The following MEIS1 variants were observed in gnomAD, a reference collection of about 807,000 sequenced individuals.
The protein encoded by MEIS1 is homeobox protein Meis1.
In MEIS1, 5 loss-of-function variants were observed where a neutral mutation model predicts 50.8. The observed-to-expected ratio is 0.10, with a 90% CI of 0.05 to 0.21. MEIS1 has a LOEUF of 0.21. MEIS1 is among the 10% of genes least tolerant of loss of function. The probability of loss-of-function intolerance (pLI) is 1.00; values close to 1 mark genes in which losing one functional copy is unlikely to be tolerated. For missense variants in MEIS1, 318 were observed against 517.3 expected, an observed-to-expected ratio of 0.61 and a Z score of 3.74; for synonymous variants, 176 against 179.3, an observed-to-expected ratio of 0.98 and a Z score of 0.15.
intron 8 of MEIS1, among the ~76,000 whole-genome samples, chr2:66,546,429 C>T (rs1157744246): frequency 1.3e-5 from 2 of 152,140 alleles, no homozygotes; most frequent in African/African-American, 2.4e-5. Flanking sequence ...AAGGTTATTT[C>T]ACAGGGGACA....
chr2:66,471,571 T>G (rs778934988), intron 7 of MEIS1, among the ~76,000 whole-genome samples: 5 of 152,248 alleles, frequency 3.3e-5, no homozygotes, highest in Non-Finnish European at 7.3e-5. Context: ...TTTATTTTCC[T>G]AGAATTGACT....
At position 66,571,435 on chromosome 2, in the gene MEIS1, A is replaced by C; in HGVS notation, c.*227A>C. On this transcript the variant is annotated 3_prime_UTR_variant, in exon 13 of 13. Transcript: ENST00000272369. ...GTGATGATGCATGGAGGACCGCCCCACCCTGGAATGCCAATGTCAGCATCA... is the reference window on the plus strand; with the variant it reads ...GTGATGATGCATGGAGGACCGCCCCCCCCTGGAATGCCAATGTCAGCATCA... 6.2e-7 allele frequency: 1 copy of C among 1,605,040 alleles called. No homozygotes were observed. Among genetic ancestry groups the C allele is most frequent in the Non-Finnish European group, 8.5e-7 (1 of 1,176,058 alleles).
intron 9 of MEIS1, chr2:66,561,995 A>G (rs1356756225): frequency 2.7e-5 from 4 of 146,112 alleles, no homozygotes; most frequent in Non-Finnish European, 6.0e-5. Context: ...AATAGAACTA[A>G]TTGAGTAAAG....
intron 6 of MEIS1, among the ~76,000 whole-genome samples, chr2:66,447,548 C>T (rs1401753204): frequency 6.6e-6 from 1 of 152,144 alleles, no homozygotes; most frequent in Non-Finnish European, 1.5e-5. Flanking sequence ...TCATTCTAGG[C>T]CCTTTATTAC....
intron 7 of MEIS1, among the ~76,000 whole-genome samples, chr2:66,474,201 C>T (rs1402160416): frequency 6.6e-6 from 1 of 152,092 alleles, no homozygotes; most frequent in African/African-American, 2.4e-5. Context: ...ATCACTTGTT[C>T]TCCGTACTCC....
chr2:66,486,818 C>G (rs1231133123), intron 7 of MEIS1, among the ~76,000 whole-genome samples: 1 of 152,118 alleles, frequency 6.6e-6, no homozygotes, highest in Non-Finnish European at 1.5e-5. Flanking sequence ...CCTTCACATC[C>G]CTTGTAAGTT....
intron 7 of MEIS1, among the ~76,000 whole-genome samples, chr2:66,503,761 T>C (rs933733985): frequency 6.1e-5 from 6 of 99,038 alleles, no homozygotes; most frequent in East Asian, 4.0e-4. Flanking sequence ...TTTTTTTTTT[T>C]TGAGACGGGG....
chr2:66,504,917 A>G (rs1673651581), intron 7 of MEIS1, among the ~76,000 whole-genome samples: 1 of 152,138 alleles, frequency 6.6e-6, no homozygotes, highest in Admixed American at 6.6e-5. Flanking sequence ...TTTTCCTTTG[A>G]TTAACTGGGA....
intron 7 of MEIS1, among the ~76,000 whole-genome samples, chr2:66,495,327 G>A (rs1273443336): frequency 2.0e-5 from 3 of 151,912 alleles, no homozygotes; most frequent in Admixed American, 6.6e-5. Context: ...GAGAGAAGAC[G>A]GACATCCAGC....
At chr2:66,544,413 A>G (rs774522060) in intron 8 of MEIS1, among the ~76,000 whole-genome samples, 29 of 152,214 alleles carry the variant, frequency 1.9e-4, no homozygotes, top group Non-Finnish European at 3.5e-4. Context: ...AGGATTAACT[A>G]CATGAAGTCA....
chr2:66,464,598 A>G (rs1359659656), intron 7 of MEIS1, among the ~76,000 whole-genome samples: 1 of 152,214 alleles, frequency 6.6e-6, no homozygotes, highest in Non-Finnish European at 1.5e-5. Context: ...TAGGATTCCA[A>G]GTTAATGATG....
chr2:66,437,778 C>G lies in MEIS1; in HGVS notation c.54C>G (p.Gly18=), dbSNP rs1394032833. Residue 18 remains glycine (G), a synonymous_variant, in exon 2 of 13, where the codon GGC becomes GGG. Transcript: ENST00000272369. The part of the protein sequence containing the change: ...LPHYGGMDGV[G]IPSTMYGDPH... ...ATTACGGGGGCATGGATGGAGTAGG[C>G]ATCCCCTCCACGATGTATGGGGACC... 6.2e-7 allele frequency: 1 copy of G among 1,613,886 alleles called. No individual in the cohort carries two copies. Among genetic ancestry groups the G allele is most frequent in the South Asian group, 1.1e-5 (1 of 91,072 alleles).
At chr2:66,544,185 T>C (rs117762218) in intron 8 of MEIS1, among the ~76,000 whole-genome samples, 1 of 152,176 alleles carries the variant, frequency 6.6e-6, no homozygotes, top group Admixed American at 6.5e-5. Flanking sequence ...ACTAGACCTG[T>C]GGGCAGAAGG....
intron 8 of MEIS1, among the ~76,000 whole-genome samples, chr2:66,541,781 C>T (rs1674658484): frequency 6.6e-6 from 1 of 152,176 alleles, no homozygotes. Context: ...CTTTTGATTC[C>T]AGCATGTGCG....
intron 3 of MEIS1, 84 bp downstream of exon 3, chr2:66,440,068 A>AACACACACAC (rs9309387): frequency 0.043 from 33,186 of 770,858 alleles, 309 homozygotes; most frequent in Non-Finnish European, 0.05. Flanking sequence ...CGCGCGCGCG[A>AACACACACAC]ACACACACAC....
intron 7 of MEIS1, among the ~76,000 whole-genome samples, chr2:66,484,659 A>G (rs1572845497): frequency 6.6e-6 from 1 of 152,186 alleles, no homozygotes; most frequent in African/African-American, 2.4e-5. Context: ...CCTGGGTTCA[A>G]GCAATTCTCC....
At chr2:66,551,261 T>G (rs1218907141) in intron 9 of MEIS1, among the ~76,000 whole-genome samples, 1 of 152,184 alleles carries the variant, frequency 6.6e-6, no homozygotes, top group Admixed American at 6.5e-5. Context: ...TGAACTAATT[T>G]TACATTTCTC....
At chr2:66,445,650 G>C (rs972015632) in intron 6 of MEIS1, among the ~76,000 whole-genome samples, 1 of 152,112 alleles carries the variant, frequency 6.6e-6, no homozygotes, top group Admixed American at 6.5e-5. Flanking sequence ...GGGCCCGTTG[G>C]CGGCACGGTT....
In MEIS1 at chr2:66,440,561, G is replaced by T; in HGVS notation, c.382-1G>T. On this transcript the variant is annotated splice_acceptor_variant, in intron 3 of 12. Coordinates refer to ENST00000272369, the MANE Select transcript of MEIS1 (RefSeq NM_002398.3). LOFTEE classifies it high-confidence loss of function. ...CCCCTCTCCTTCTCACTTGTATTTA[G>T]ATTCGCGCAGAAAAACCTCTATTTT... 6.2e-7 allele frequency: 1 copy of T among 1,611,096 alleles called. No homozygotes were observed. Among genetic ancestry groups the T allele is most frequent in the Non-Finnish European group, 8.5e-7 (1 of 1,178,092 alleles).
Sources: allele counts gnomAD v4.1 joint callset (sites outside exome capture counted in the v4.1 genomes callset), GRCh38; gene constraint gnomAD v4.1.1; transcripts MANE v1.5; gene names NCBI Gene and HGNC (gene_info 2026-07-23, HGNC 2026-07-21).